Variants in MYLK observed in about 807,000 individuals in gnomAD.
The protein encoded by MYLK is myosin light chain kinase, also known as myosin light chain kinase, smooth muscle.
Under a neutral mutation model 203.4 loss-of-function variants are expected in MYLK, and 106 were observed. The ratio of observed to expected loss-of-function variants is 0.52; its 90% confidence interval spans 0.45 to 0.61. The LOEUF (loss-of-function observed/expected upper bound fraction) is 0.61. Among genes scored for constraint, MYLK ranks in the 20% least tolerant of loss-of-function variants. MYLK has a pLI of 0.00. For synonymous variants in MYLK, 867 were observed against 959.5 expected, an observed-to-expected ratio of 0.90 and a Z score of 1.78; for missense variants, 2,072 against 2,442.3, an observed-to-expected ratio of 0.85 and a Z score of 3.20.
At chr3:123,635,096 C>T (rs1294834120) in intron 29 of MYLK, among the ~76,000 whole-genome samples, 1 of 152,248 alleles carries the variant, frequency 6.6e-6, no homozygotes, top group Non-Finnish European at 1.5e-5. Flanking sequence ...TCCCTTCCAA[C>T]TCCCTGGCCT....
At chr3:123,677,918 T>TATATATATACACACAC (rs1273803739) in intron 20 of MYLK, among the ~76,000 whole-genome samples, 1 of 78,896 alleles carries the variant, frequency 1.3e-5, no homozygotes, top group East Asian at 1.7e-3. Flanking sequence ...TATATATATA[T>TATATATATACACACAC]ACACACACAC....
chr3:123,777,065 T>C (rs1420648051), intron 4 of MYLK, among the ~76,000 whole-genome samples: 2 of 152,248 alleles, frequency 1.3e-5, no homozygotes, highest in Non-Finnish European at 2.9e-5. Flanking sequence ...CTTTCTTAAG[T>C]AGAATATTGC....
chr3:123,777,316 T>C (rs2064115369), intron 4 of MYLK, among the ~76,000 whole-genome samples: 1 of 152,222 alleles, frequency 6.6e-6, no homozygotes, highest in Admixed American at 6.5e-5. Context: ...AACTCAGATA[T>C]CCTGGCTACG....
At chr3:123,786,714 GTGTT>G (rs1404711420) in intron 4 of MYLK, among the ~76,000 whole-genome samples, 2 of 152,112 alleles carry the variant, frequency 1.3e-5, no homozygotes, top group Non-Finnish European at 2.9e-5. Context: ...TCTCTACAAT[GTGTT>G]TATTTCACAT....
At chr3:123,626,749 G>A (rs2107973085) in intron 31 of MYLK, 69 bp downstream of exon 31, 1 of 1,610,342 alleles carries the variant, frequency 6.2e-7, no homozygotes, top group Non-Finnish European at 8.5e-7. Flanking sequence ...GGCAAGCTGG[G>A]AATGAAAGTG....
chr3:123,705,215 A>G (rs929152969), intron 16 of MYLK, among the ~76,000 whole-genome samples: 6 of 151,818 alleles, frequency 4.0e-5, no homozygotes, highest in Non-Finnish European at 8.8e-5. Context: ...TTGCTGGAGG[A>G]GTGAGGTCTC....
chr3:123,809,820 T>C (rs752778939), intron 3 of MYLK, among the ~76,000 whole-genome samples: 1 of 152,152 alleles, frequency 6.6e-6, no homozygotes, highest in Non-Finnish European at 1.5e-5. Flanking sequence ...AGTAGCCAAA[T>C]GCCACAGCCA....
At chr3:123,753,552 T>G (rs2063270885) in intron 4 of MYLK, among the ~76,000 whole-genome samples, 1 of 151,590 alleles carries the variant, frequency 6.6e-6, no homozygotes, top group Non-Finnish European at 1.5e-5. Flanking sequence ...CATCTGAGTT[T>G]CATAGCAACC....
At chr3:123,860,536 A>G (rs2031801120) in intron 2 of MYLK, among the ~76,000 whole-genome samples, 1 of 152,140 alleles carries the variant, frequency 6.6e-6, no homozygotes, top group Admixed American at 6.5e-5. Context: ...TAAAAGGCAA[A>G]ATTCTTCACT....
chr3:123,849,791 C>A (rs986826108), intron 2 of MYLK, among the ~76,000 whole-genome samples: 1 of 151,896 alleles, frequency 6.6e-6, no homozygotes, highest in Non-Finnish European at 1.5e-5. Flanking sequence ...ATGTGCACAA[C>A]GTGCAGGTTC....
chr3:123,881,835 A>G (rs574748705), intron 1 of MYLK, among the ~76,000 whole-genome samples: 2 of 151,882 alleles, frequency 1.3e-5, no homozygotes, highest in Non-Finnish European at 2.9e-5. Flanking sequence ...GAGACCCAGA[A>G]CCTTTCCCCA....
rs2058716747 is a variant in MYLK, at chr3:123,638,298, AGACACAGGCTTTGGC to A, written c.4838-119_4838-105del. 3 of 1,529,746 alleles carry A rather than the reference AGACACAGGCTTTGGC, an allele frequency of 2.0e-6. No homozygotes were observed. The Admixed American group carries it at 5.1e-5, about 26-fold the overall frequency. The allele number at this position is 1,529,746 out of a possible 1,614,324, so 94.8% of individuals were successfully genotyped here. On this transcript the variant is annotated intron_variant, in intron 28 of 33. Transcript: ENST00000360304. Reference sequence around the variant, plus strand: ...TGTTGACCCCAACCTGGGAGGGGCCAGACACAGGCTTTGGCACAGAGAACAGGCACAGAGACATCT... The same window carrying A: ...TGTTGACCCCAACCTGGGAGGGGCCAACAGAGAACAGGCACAGAGACATCT...
At chr3:123,733,232 A>G (rs1302681297) in intron 10 of MYLK, 130 bp from the exon 11 acceptor site, 1 of 1,020,094 alleles carries the variant, frequency 9.8e-7, no homozygotes. Flanking sequence ...CCCACCTCTG[A>G]GTCTGCTTCC....
chr3:123,776,242 G>A lies in MYLK; in HGVS notation c.165+17435C>T, dbSNP rs1380412471. On this transcript the variant is annotated intron_variant, in intron 4 of 33. Coordinates refer to ENST00000360304, the MANE Select transcript of MYLK (RefSeq NM_053025.4). ...GGCAGGAAGGAGTTGGTGGAGGGAG[G>A]TGCCCCAGATGTGACAAGGCAAGTT... Among the ~76,000 whole-genome samples, 12 of 152,286 alleles carry A rather than the reference G, an allele frequency of 7.9e-5. No individual in the cohort carries two copies. The South Asian group carries it at 2.3e-3, about 29-fold the overall frequency.
intron 3 of MYLK, among the ~76,000 whole-genome samples, chr3:123,819,775 T>G (rs1332299652): frequency 6.7e-6 from 1 of 149,788 alleles, no homozygotes; most frequent in Non-Finnish European, 1.5e-5. Context: ...ATTTGAGATA[T>G]TTCTAAGCCT....
chr3:123,612,149 T>C lies in MYLK; in HGVS notation c.*1956A>G, dbSNP rs1485399347. 3 of 152,606 alleles carry C rather than the reference T, an allele frequency of 2.0e-5. No homozygotes were observed. Among genetic ancestry groups the C allele is most frequent in the Non-Finnish European group, 4.4e-5 (3 of 68,036 alleles). The allele number at this position is 152,606 out of a possible 1,614,324, so 9.5% of individuals were successfully genotyped here. On this transcript the variant is annotated 3_prime_UTR_variant, in exon 34 of 34. Transcript: ENST00000360304. The stretch of plus-strand genomic sequence containing the variant: ...TTCGGCTACCTATATAAACAAGAAC[T>C]TCCTAAATCATTCTGTTCCATAGCA...
At chr3:123,619,779 A>T (rs2057740972) in intron 32 of MYLK, among the ~76,000 whole-genome samples, 1 of 152,220 alleles carries the variant, frequency 6.6e-6, no homozygotes, top group South Asian at 2.1e-4. Context: ...ATTTTTATTT[A>T]AAACAAAACC....
At chr3:123,881,122 G>A (rs1436093106) in intron 1 of MYLK, among the ~76,000 whole-genome samples, 1 of 152,158 alleles carries the variant, frequency 6.6e-6, no homozygotes, top group Admixed American at 6.5e-5. Context: ...GCACAACCAT[G>A]TCTGCCTGCT....
At chr3:123,781,688 A>C (rs1490306978) in intron 4 of MYLK, among the ~76,000 whole-genome samples, 1 of 152,166 alleles carries the variant, frequency 6.6e-6, no homozygotes, top group Non-Finnish European at 1.5e-5. Flanking sequence ...GATGGGAGCA[A>C]CGGTCAAGAT....
Sources: allele counts gnomAD v4.1 joint callset (sites outside exome capture counted in the v4.1 genomes callset), GRCh38; gene constraint gnomAD v4.1.1; transcripts MANE v1.5; gene names NCBI Gene and HGNC (gene_info 2026-07-23, HGNC 2026-07-21).